Variants in BRIP1 observed in about 807,000 individuals in gnomAD.
BRIP1 encodes the protein BRCA1 interacting DNA helicase 1, also known as Fanconi anemia group J protein.
Under a neutral mutation model 119.7 loss-of-function variants are expected in BRIP1, and 88 were observed. The observed-to-expected ratio is 0.74, with a 90% CI of 0.62 to 0.88. The LOEUF (loss-of-function observed/expected upper bound fraction) is 0.88. Among genes scored for constraint, BRIP1 ranks in the 40% least tolerant of loss-of-function variants. The pLI is 0.00. For missense variants in BRIP1, 1,259 were observed against 1,455.4 expected (o/e 0.87, Z 2.20); for synonymous variants, 443 against 496.5 (o/e 0.89, Z 1.43).
rs2078441979 is a variant in BRIP1, at chr17:61,828,458, T to C, written c.627+18643A>G. On this transcript the variant is annotated intron_variant, in intron 6 of 19. Transcript: ENST00000259008. This position sits in a 1 kb window ranked among gnomAD's most constrained non-coding sequence, Gnocchi z 4.1. ...GGTATGGTGTTTCAGTTTGGAAAGA[T>C]GAAAAGGTTCTGGCACTAGATAATA... Among the ~76,000 whole-genome samples the C allele has an allele frequency of 6.6e-6, 1 of 152,080 alleles. No individual in the cohort carries two copies. Among genetic ancestry groups the C allele is most frequent in the African/African-American group, 2.4e-5 (1 of 41,376 alleles).
At position 61,846,159 on chromosome 17, in the gene BRIP1, G is replaced by A. The variant is rs1163412577; in HGVS notation, c.627+942C>T. Among the ~76,000 whole-genome samples the A allele has an allele frequency of 2.0e-5, 3 of 150,868 alleles. No homozygotes were observed. Among genetic ancestry groups the A allele is most frequent in the African/African-American group, 7.3e-5 (3 of 40,960 alleles). ...ATCACGCCACCGCACTTCCAGCCTG[G>A]GTGACAGAGCGATACTCCGTCTCAA... On this transcript the variant is annotated intron_variant, in intron 6 of 19. Coordinates refer to ENST00000259008, the MANE Select transcript of BRIP1 (RefSeq NM_032043.3). The surrounding 1 kb of genome is among the most constrained non-coding windows in gnomAD (Gnocchi z 4.3).
rs991255369 is a variant in BRIP1 at position 61,770,438 on chromosome 17, A to G, written c.2097+5963T>C. Reference sequence around the variant, plus strand: ...GCACTGGTCAAGATAACTACAAGGTAGTTATAAAAGACAGTATAAAATGTG... The same window carrying G: ...GCACTGGTCAAGATAACTACAAGGTGGTTATAAAAGACAGTATAAAATGTG... On this transcript the variant is annotated intron_variant, in intron 14 of 19. Transcript: ENST00000259008. The surrounding 1 kb of genome is among the most constrained non-coding windows in gnomAD (Gnocchi z 4.7). Among the ~76,000 whole-genome samples, 1 of 152,242 alleles carries G rather than the reference A, an allele frequency of 6.6e-6. No individual in the cohort carries two copies. Among genetic ancestry groups the G allele is most frequent in the African/African-American group, 2.4e-5 (1 of 41,472 alleles).
At chr17:61,692,229 T>A (rs1237646399) in intron 18 of BRIP1, among the ~76,000 whole-genome samples, 1 of 152,220 alleles carries the variant, frequency 6.6e-6, no homozygotes, top group African/African-American at 2.4e-5. Flanking sequence ...CTTTATAAAT[T>A]ATCCAGTCTT....
In BRIP1 at chr17:61,726,263, T is replaced by A. The variant is rs1260157710; in HGVS notation, c.2380-10200A>T. Among the ~76,000 whole-genome samples, 1 of 152,176 alleles carries A rather than the reference T, an allele frequency of 6.6e-6. No homozygotes were observed. The highest frequency in any genetic ancestry group is 1.9e-4 in the East Asian group (1 of 5,202). ...TTGGAGACTGTGTGCCAACCTTACC[T>A]TAGAGAATTGGTTGAAGAAATAAAT... On this transcript the variant is annotated intron_variant, in intron 16 of 19. Coordinates refer to ENST00000259008, the MANE Select transcript of BRIP1 (RefSeq NM_032043.3). This position sits in a 1 kb window ranked among gnomAD's most constrained non-coding sequence, Gnocchi z 6.2.
intron 6 of BRIP1, among the ~76,000 whole-genome samples, chr17:61,820,228 A>T (rs1206546244): frequency 5.9e-5 from 9 of 152,200 alleles, no homozygotes; most frequent in Admixed American, 2.0e-4. Flanking sequence ...CGAGACTTCC[A>T]GTCTAATATG....
In BRIP1 at chr17:61,814,116, C is replaced by T. The variant is rs1163210587; in HGVS notation, c.628-5359G>A. On this transcript the variant is annotated intron_variant, in intron 6 of 19. Transcript: ENST00000259008. This position sits in a 1 kb window ranked among gnomAD's most constrained non-coding sequence, Gnocchi z 4.9. ...TTAGAGCAAGAGTCAGCAAAAGAGC[C>T]AGACAGTAAACATTTCAAGCTTCAA... is the stretch of plus-strand genomic sequence containing the variant. 6.6e-6 allele frequency among the ~76,000 whole-genome samples: 1 copy of T among 151,980 alleles called. No individual in the cohort carries two copies. Among genetic ancestry groups the T allele is most frequent in the African/African-American group, 2.4e-5 (1 of 41,418 alleles).
In BRIP1 at chr17:61,824,611, C is replaced by G. The variant is rs1265994618; in HGVS notation, c.628-15854G>C. Among the ~76,000 whole-genome samples the G allele has an allele frequency of 5.3e-5, 8 of 152,172 alleles. No homozygotes were observed. Among genetic ancestry groups the G allele is most frequent in the African/African-American group, 1.9e-4 (8 of 41,430 alleles). On this transcript the variant is annotated intron_variant, in intron 6 of 19. Transcript: ENST00000259008. The surrounding 1 kb of genome is among the most constrained non-coding windows in gnomAD (Gnocchi z 4.3). ...GCAGGGAAACCTGGATATCTACACA[C>G]AAACAATGAAGTTGCACCATTATAA...
Position 61,828,121 on chromosome 17 carries a change from T to TGGAAAC in BRIP1, c.627+18979_627+18980insGTTTCC, listed in dbSNP as rs1401379398. Among the ~76,000 whole-genome samples, 2 of 152,188 alleles carry TGGAAAC rather than the reference T, an allele frequency of 1.3e-5. No individual in the cohort carries two copies. The highest frequency in any genetic ancestry group is 2.9e-5 in the Non-Finnish European group (2 of 68,040). On this transcript the variant is annotated intron_variant, in intron 6 of 19. Coordinates refer to ENST00000259008, the MANE Select transcript of BRIP1 (RefSeq NM_032043.3). The surrounding 1 kb of genome is among the most constrained non-coding windows in gnomAD (Gnocchi z 4.1). ...ACGTACACCAATGTTCACAGCAGCA[T>TGGAAAC]TATTCAAAATAGCAAAAAGATGGAA...
chr17:61,729,054 G>T lies in BRIP1; in HGVS notation c.2380-12991C>A, dbSNP rs1165262579. Among the ~76,000 whole-genome samples, 1 of 151,724 alleles carries T rather than the reference G, an allele frequency of 6.6e-6. No homozygotes were observed. ...CCAGCACTTTGGGAGGCTGAGGCGG[G>T]CGGATCTTCTGAGGTCGGGAGTTCG... On this transcript the variant is annotated intron_variant, in intron 16 of 19. Transcript: ENST00000259008. This position sits in a 1 kb window ranked among gnomAD's most constrained non-coding sequence, Gnocchi z 5.6.
In BRIP1 at chr17:61,744,709, T is replaced by C. The variant is rs1191999962; in HGVS notation, c.2098-118A>G. On this transcript the variant is annotated intron_variant, in intron 14 of 19. Coordinates refer to ENST00000259008, the MANE Select transcript of BRIP1 (RefSeq NM_032043.3). The surrounding 1 kb of genome is among the most constrained non-coding windows in gnomAD (Gnocchi z 5.0). ...ATTAATCTCTCTGTGTCTTTTCTCATTTATAAAATGAGGAAAACAATATAT... is the reference window on the plus strand; with the variant it reads ...ATTAATCTCTCTGTGTCTTTTCTCACTTATAAAATGAGGAAAACAATATAT... 1 of 930,442 alleles carries C rather than the reference T, an allele frequency of 1.1e-6. No homozygotes were observed. Among genetic ancestry groups the C allele is most frequent in the Non-Finnish European group, 1.7e-6 (1 of 586,440 alleles). 57.6% of individuals were successfully genotyped at this position (930,442 alleles called of 1,614,324 possible).
chr17:61,781,328 C>T (rs2077616495), intron 11 of BRIP1, among the ~76,000 whole-genome samples: 1 of 152,122 alleles, frequency 6.6e-6, no homozygotes, highest in Non-Finnish European at 1.5e-5. Context: ...CTCCTAACTC[C>T]CAGTCCAGAG....
intron 6 of BRIP1, among the ~76,000 whole-genome samples, chr17:61,833,616 A>G (rs1332257880): frequency 1.3e-5 from 2 of 151,436 alleles, no homozygotes; most frequent in Non-Finnish European, 2.9e-5. Context: ...GGTTGCAGTG[A>G]GCCAAAACTG....
In BRIP1 at chr17:61,819,185, C is replaced by CA. The variant is rs3034662; in HGVS notation, c.628-10429dup. ...TGGGCAACAGAGTGAGAATTTGTCT[C>CA]AAAAAAAAAAAAAAAAGGCTTTTAT... On this transcript the variant is annotated intron_variant, in intron 6 of 19. Transcript: ENST00000259008. 1.0e-3 allele frequency among the ~76,000 whole-genome samples: 141 copies of CA among 135,936 alleles called. 1 individual carries two copies. The highest frequency in any genetic ancestry group is 1.7e-3 in the Admixed American group (22 of 13,078). The allele number at this position is 135,936 out of a possible 152,430, so 89.2% of individuals were successfully genotyped here. A position where few individuals can be genotyped will look rare whatever the true frequency, so the allele number is the denominator to read the frequency against.
intron 14 of BRIP1, among the ~76,000 whole-genome samples, chr17:61,765,415 A>T (rs1567799046): frequency 6.6e-4 from 9 of 13,686 alleles, no homozygotes; most frequent in African/African-American, 8.1e-4. Flanking sequence ...ATATATATAT[A>T]TATATATATT....
Position 61,803,220 on chromosome 17 carries a change from A to G in BRIP1, c.919-1746T>C, listed in dbSNP as rs12941248. Among the ~76,000 whole-genome samples, 91,162 of 151,858 alleles carry G rather than the reference A, an allele frequency of 0.6. 28,385 individuals carry two copies. Among genetic ancestry groups the G allele is most frequent in the Non-Finnish European group, 0.69 (46,609 of 67,962 alleles). The stretch of plus-strand genomic sequence containing the variant: ...AGCAATTCTTGTGCCTCAGCCACCA[A>G]GTAGCTGGAACCACAAGTGCATCAC... On this transcript the variant is annotated intron_variant, in intron 7 of 19. Coordinates refer to ENST00000259008, the MANE Select transcript of BRIP1 (RefSeq NM_032043.3). The surrounding 1 kb of genome is among the most constrained non-coding windows in gnomAD (Gnocchi z 4.3).
intron 10 of BRIP1, among the ~76,000 whole-genome samples, chr17:61,788,203 T>G (rs1603338805): frequency 6.6e-6 from 1 of 152,060 alleles, no homozygotes. Flanking sequence ...CAATAACAAT[T>G]AAAAATGTAA....
chr17:61,738,422 C>G lies in BRIP1; in HGVS notation c.2379+4591G>C, dbSNP rs2076946513. 6.6e-6 allele frequency among the ~76,000 whole-genome samples: 1 copy of G among 152,092 alleles called. No individual in the cohort carries two copies. The highest frequency in any genetic ancestry group is 2.1e-4 in the South Asian group (1 of 4,826). On this transcript the variant is annotated intron_variant, in intron 16 of 19. Transcript: ENST00000259008. This position sits in a 1 kb window ranked among gnomAD's most constrained non-coding sequence, Gnocchi z 4.2. ...CACTCTACTTGTACCTTTTGGGAAC[C>G]ACTAGGGATAACCCTTTAGAACCAC...
rs1300040765 is a variant in BRIP1, at chr17:61,805,966, C to G, written c.918+2501G>C. Among the ~76,000 whole-genome samples, 2 of 152,082 alleles carry G rather than the reference C, an allele frequency of 1.3e-5. No homozygotes were observed. Among genetic ancestry groups the G allele is most frequent in the African/African-American group, 2.4e-5 (1 of 41,422 alleles). ...TCTAGTTAAAATTATTTTTTCTTAA[C>G]TGAAACAAAAATTAACTTTTAACAG... is the stretch of plus-strand genomic sequence containing the variant. On this transcript the variant is annotated intron_variant, in intron 7 of 19. Transcript: ENST00000259008. This position sits in a 1 kb window ranked among gnomAD's most constrained non-coding sequence, Gnocchi z 5.6.
intron 10 of BRIP1, among the ~76,000 whole-genome samples, chr17:61,786,335 C>T (rs1416920911): frequency 6.6e-6 from 1 of 151,806 alleles, no homozygotes; most frequent in Admixed American, 6.6e-5. Flanking sequence ...GCAGAACCCA[C>T]GTTATTTTTT....
Sources: allele counts gnomAD v4.1 joint callset (sites outside exome capture counted in the v4.1 genomes callset), GRCh38; gene constraint gnomAD v4.1.1; non-coding constraint Gnocchi (gnomAD v3.1); transcripts MANE v1.5; gene names NCBI Gene and HGNC (gene_info 2026-07-23, HGNC 2026-07-21).